MACROD2: variants seen among roughly 807,000 people sequenced by gnomAD.
MACROD2 encodes ADP-ribose glycohydrolase MACROD2.
MACROD2 carries 36 observed loss-of-function variants against 70.4 expected under a neutral mutation model. The ratio of observed to expected loss-of-function variants is 0.51; its 90% CI spans 0.39 to 0.68. The LOEUF (loss-of-function observed/expected upper bound fraction) is 0.68. MACROD2 is among the 30% of genes least tolerant of loss of function. The pLI is 0.00. For missense variants in MACROD2, 496 were observed against 538.4 expected, an observed-to-expected ratio of 0.92 and a Z score of 0.78; for synonymous variants, 172 against 178.8, an observed-to-expected ratio of 0.96 and a Z score of 0.30.
rs775357022 is a variant in MACROD2 at position 15,438,400 on chromosome 20, G to A, written c.571+6965G>A. Among the ~76,000 whole-genome samples the A allele has an allele frequency of 9.8e-4, 149 of 152,184 alleles. 1 individual carries two copies. Among genetic ancestry groups the A allele is most frequent in the Non-Finnish European group, 1.8e-3 (120 of 68,018 alleles). On this transcript the variant is annotated intron_variant, in intron 7 of 17. Transcript: ENST00000684519. Reference sequence around the variant, plus strand: ...GACTGGTGTGAGATGGTATCTCACCGTGGTTTTGATTTGCATTTGTCTAAT... The same window carrying A: ...GACTGGTGTGAGATGGTATCTCACCATGGTTTTGATTTGCATTTGTCTAAT...
At chr20:14,068,206 C>G (rs557313466) in intron 2 of MACROD2, among the ~76,000 whole-genome samples, 1 of 152,274 alleles carries the variant, frequency 6.6e-6, no homozygotes, top group Admixed American at 6.5e-5. Context: ...CTTCCTAGCT[C>G]CAACTTTCAT....
At chr20:14,524,021 T>C (rs2085200365) in intron 4 of MACROD2, among the ~76,000 whole-genome samples, 1 of 152,234 alleles carries the variant, frequency 6.6e-6, no homozygotes, top group African/African-American at 2.4e-5. Context: ...CCATGAACTC[T>C]AAAATGTCCT....
intron 7 of MACROD2, among the ~76,000 whole-genome samples, chr20:15,483,194 T>A (rs1245966419): frequency 6.6e-6 from 1 of 152,224 alleles, no homozygotes; most frequent in Admixed American, 6.5e-5. Flanking sequence ...TAGTTCCTTG[T>A]TTTAAATTTA....
At chr20:14,260,191 G>T (rs756082988) in intron 3 of MACROD2, among the ~76,000 whole-genome samples, 4 of 152,190 alleles carry the variant, frequency 2.6e-5, no homozygotes, top group Admixed American at 6.5e-5. Context: ...GTGTGTTTGT[G>T]TGTAGAAGTA....
At chr20:15,669,552 TA>T (rs2049949968) in intron 8 of MACROD2, among the ~76,000 whole-genome samples, 1 of 152,148 alleles carries the variant, frequency 6.6e-6, no homozygotes, top group Non-Finnish European at 1.5e-5. Context: ...TGCAGTTTAT[TA>T]ATCCAAGTAA....
intron 8 of MACROD2, among the ~76,000 whole-genome samples, chr20:15,639,975 G>A (rs2049431007): frequency 6.8e-6 from 1 of 146,208 alleles, no homozygotes; most frequent in African/African-American, 2.5e-5. Flanking sequence ...GAAGGAGAAA[G>A]AAAGAGGGGG....
chr20:14,423,755 ATTT>A (rs1165796772), intron 3 of MACROD2, among the ~76,000 whole-genome samples: 3 of 63,106 alleles, frequency 4.8e-5, no homozygotes, highest in Non-Finnish European at 8.4e-5. Context: ...GACATCTTAA[ATTT>A]TTTTTTTTTT....
chr20:14,128,221 C>A, intron 3 of MACROD2: 1 of 358,972 alleles, frequency 2.8e-6, no homozygotes, highest in East Asian at 6.5e-5. Flanking sequence ...GGAGCAGATC[C>A]CACCTCATTT....
chr20:15,743,917 G>A (rs1285925763), intron 8 of MACROD2, among the ~76,000 whole-genome samples: 1 of 151,990 alleles, frequency 6.6e-6, no homozygotes, highest in Non-Finnish European at 1.5e-5. Flanking sequence ...AGTTTGCTAG[G>A]TGGTTCAAAA....
chr20:15,371,598 G>A (rs1600308548), intron 6 of MACROD2, among the ~76,000 whole-genome samples: 1 of 152,040 alleles, frequency 6.6e-6, no homozygotes, highest in Admixed American at 6.6e-5. Flanking sequence ...AACTATGGAT[G>A]GATAGTTTTT....
At chr20:14,653,398 TTAGTA>T (rs1053840975) in intron 4 of MACROD2, among the ~76,000 whole-genome samples, 1 of 152,004 alleles carries the variant, frequency 6.6e-6, no homozygotes, top group African/African-American at 2.4e-5. Flanking sequence ...TTTTGTATTT[TTAGTA>T]GAGACGGAGT....
chr20:16,048,439 T>C (rs75850317), intron 17 of MACROD2, among the ~76,000 whole-genome samples: 7,317 of 152,060 alleles, frequency 0.048, 214 homozygotes, highest in East Asian at 0.12. Context: ...TGAAGAGACA[T>C]GAAGGAGAAG....
intron 3 of MACROD2, among the ~76,000 whole-genome samples, chr20:14,261,721 T>C (rs1601410814): frequency 7.8e-6 from 1 of 128,340 alleles, no homozygotes; most frequent in South Asian, 2.2e-4. Flanking sequence ...GAATGTCTTT[T>C]ATGTGTCAGA....
At chr20:15,556,460 T>G (rs747885522) in intron 8 of MACROD2, among the ~76,000 whole-genome samples, 6 of 152,212 alleles carry the variant, frequency 3.9e-5, no homozygotes, top group Non-Finnish European at 8.8e-5. Flanking sequence ...GTATTCATGG[T>G]GCCCAGTTGT....
At chr20:15,423,542 A>T (rs13039799) in intron 6 of MACROD2, among the ~76,000 whole-genome samples, 5 of 151,430 alleles carry the variant, frequency 3.3e-5, no homozygotes, top group Admixed American at 2.6e-4. Context: ...TCCAAGGTCA[A>T]GGTGCCAGCA....
intron 5 of MACROD2, among the ~76,000 whole-genome samples, chr20:14,723,775 A>G (rs1183659200): frequency 2.0e-5 from 3 of 151,980 alleles, no homozygotes; most frequent in South Asian, 2.1e-4. Context: ...TCTGTGGGCC[A>G]TTGTGACTCA....
At chr20:15,475,533 CAG>C (rs938196213) in intron 7 of MACROD2, among the ~76,000 whole-genome samples, 1 of 152,184 alleles carries the variant, frequency 6.6e-6, no homozygotes, top group African/African-American at 2.4e-5. Flanking sequence ...AGGGTGAAAA[CAG>C]AACTACATTT....
At chr20:14,984,249 G>A (rs992126727) in intron 5 of MACROD2, among the ~76,000 whole-genome samples, 1 of 152,178 alleles carries the variant, frequency 6.6e-6, no homozygotes, top group African/African-American at 2.4e-5. Context: ...GAGTTTGTAG[G>A]TAGGAGAGTA....
At chr20:15,305,860 G>T (rs530914282) in intron 6 of MACROD2, among the ~76,000 whole-genome samples, 1 of 152,070 alleles carries the variant, frequency 6.6e-6, no homozygotes, top group Non-Finnish European at 1.5e-5. Context: ...TGAATGTAAT[G>T]GTCTAACCTT....
Sources: gnomAD v4.1 joint callset for allele counts (sites outside exome capture counted in the v4.1 genomes callset) on GRCh38, gnomAD v4.1.1 for gene constraint, MANE v1.5 for transcripts, NCBI Gene and HGNC (gene_info 2026-07-23, HGNC 2026-07-21) for gene names.